The following ADARB2 variants were observed in gnomAD, a reference collection of about 807,000 sequenced individuals.
The protein encoded by ADARB2 is adenosine deaminase RNA specific B2 (inactive).
In ADARB2, 25 loss-of-function variants were observed where a neutral mutation model predicts 62.2. The observed-to-expected ratio is 0.40, with a 90% CI of 0.29 to 0.56. The LOEUF (loss-of-function observed/expected upper bound fraction) is 0.56, where lower values mean the gene tolerates loss of function less well. Ranked by LOEUF, ADARB2 falls within the 20% of genes least tolerant of loss-of-function variation. The probability of loss-of-function intolerance (pLI) is 0.43; values close to 1 mark genes in which losing one functional copy is unlikely to be tolerated. For missense variants in ADARB2, 1,071 were observed against 1,077.4 expected (o/e 0.99, Z 0.08); for synonymous variants, 572 against 500.8 (o/e 1.14, Z -1.90).
intron 1 of ADARB2, among the ~76,000 whole-genome samples, chr10:1,450,008 T>C (rs961113279): frequency 1.3e-5 from 2 of 152,190 alleles, no homozygotes; most frequent in Non-Finnish European, 2.9e-5. Flanking sequence ...AAGGAGGCCG[T>C]GGCCAGCATG....
At chr10:1,370,885 G>T (rs1467310563) in intron 2 of ADARB2, among the ~76,000 whole-genome samples, 1 of 152,220 alleles carries the variant, frequency 6.6e-6, no homozygotes, top group Non-Finnish European at 1.5e-5. Context: ...GCCTAAAGCA[G>T]TCGGCAGATT....
intron 6 of ADARB2, among the ~76,000 whole-genome samples, chr10:1,232,621 ATGTGTGTGG>A (rs1241318606): frequency 7.4e-6 from 1 of 134,500 alleles, no homozygotes; most frequent in Non-Finnish European, 1.6e-5. Context: ...GTGGTATATG[ATGTGTGTGG>A]TGTATGTGGT....
chr10:1,672,547 C>A (rs1474887705), intron 1 of ADARB2, among the ~76,000 whole-genome samples: 1 of 152,168 alleles, frequency 6.6e-6, no homozygotes, highest in Non-Finnish European at 1.5e-5. Flanking sequence ...CTGCAGGCCT[C>A]GCGCAGCTCC....
chr10:1,331,516 A>G (rs1831927462), intron 3 of ADARB2, among the ~76,000 whole-genome samples: 1 of 152,212 alleles, frequency 6.6e-6, no homozygotes. Flanking sequence ...GTGTGATTCT[A>G]TTTACCTGAA....
At chr10:1,185,170 G>C (rs978754275) in intron 8 of ADARB2, 131 bp from the exon 9 acceptor site, 22 of 1,216,512 alleles carry the variant, frequency 1.8e-5, no homozygotes, top group Admixed American at 8.2e-5. Flanking sequence ...CTCAGGACTG[G>C]CCAGTTCACG....
At position 1,572,397 on chromosome 10, in the gene ADARB2, C is replaced by T. The variant is rs574671724; in HGVS notation, c.100+164654G>A. Among the ~76,000 whole-genome samples the T allele has an allele frequency of 2.6e-5, 4 of 152,244 alleles. No individual in the cohort carries two copies. In the East Asian group the frequency reaches 7.7e-4, roughly 29 times the overall value. ...TCAGGCAGCTATGCTGTGACGCCAC[C>T]AGCATATAGAAGAGGGAAGATAAAA... is the stretch of plus-strand genomic sequence containing the variant. On this transcript the variant is annotated intron_variant, in intron 1 of 9. Transcript: ENST00000381312.
At chr10:1,351,193 A>G (rs887677730) in intron 3 of ADARB2, among the ~76,000 whole-genome samples, 5 of 152,006 alleles carry the variant, frequency 3.3e-5, no homozygotes, top group South Asian at 2.1e-4. Flanking sequence ...CTCCTTCCCA[A>G]ATCTTCTCGG....
At chr10:1,624,501 G>A (rs1833743259) in intron 1 of ADARB2, among the ~76,000 whole-genome samples, 1 of 152,148 alleles carries the variant, frequency 6.6e-6, no homozygotes. Context: ...TGCACTTCCA[G>A]ATGCTACTGT....
At chr10:1,605,348 G>A (rs2132017303) in intron 1 of ADARB2, among the ~76,000 whole-genome samples, 1 of 152,316 alleles carries the variant, frequency 6.6e-6, no homozygotes, top group African/African-American at 2.4e-5. Context: ...CTGTGACAAT[G>A]TCACCTTCCC....
intron 1 of ADARB2, among the ~76,000 whole-genome samples, chr10:1,393,973 G>A (rs1352484986): frequency 6.6e-6 from 1 of 152,246 alleles, no homozygotes; most frequent in East Asian, 1.9e-4. Flanking sequence ...GGTGGAGGCT[G>A]CAGAAGTTGC....
chr10:1,201,819 C>T (rs1480930335), intron 7 of ADARB2, among the ~76,000 whole-genome samples: 2 of 108,446 alleles, frequency 1.8e-5, no homozygotes, highest in Non-Finnish European at 4.2e-5. Flanking sequence ...GCCTGGATCT[C>T]GGATGGTGGG....
chr10:1,213,268 G>A (rs543638861), intron 7 of ADARB2, among the ~76,000 whole-genome samples: 9 of 151,400 alleles, frequency 5.9e-5, no homozygotes, highest in African/African-American at 9.8e-5. Flanking sequence ...CAAAGCTAGA[G>A]ACAGACAGGG....
chr10:1,590,133 G>T (rs2132006987), intron 1 of ADARB2, among the ~76,000 whole-genome samples: 1 of 152,310 alleles, frequency 6.6e-6, no homozygotes. Context: ...CCATGTCTTG[G>T]GTGCCCATGT....
At chr10:1,508,586 C>T (rs747039571) in intron 1 of ADARB2, among the ~76,000 whole-genome samples, 24 of 152,190 alleles carry the variant, frequency 1.6e-4, no homozygotes, top group Admixed American at 4.6e-4. Context: ...TCGAGACCAG[C>T]CCAGCCAACA....
At chr10:1,309,002 A>C (rs1564253379) in intron 3 of ADARB2, among the ~76,000 whole-genome samples, 1 of 152,366 alleles carries the variant, frequency 6.6e-6, no homozygotes, top group South Asian at 2.1e-4. Flanking sequence ...AAAAGTCCCC[A>C]AAAAGGCAAT....
chr10:1,724,461 C>A (rs1185600116), intron 1 of ADARB2, among the ~76,000 whole-genome samples: 1 of 152,158 alleles, frequency 6.6e-6, no homozygotes, highest in Admixed American at 6.5e-5. Context: ...ATGCACCAAG[C>A]CCCCAAAAGC....
intron 1 of ADARB2, among the ~76,000 whole-genome samples, chr10:1,654,800 C>T (rs1000653456): frequency 1.3e-5 from 2 of 152,220 alleles, no homozygotes; most frequent in African/African-American, 4.8e-5. Context: ...CTTCTGTGTG[C>T]TGCAGGTGAG....
intron 1 of ADARB2, among the ~76,000 whole-genome samples, chr10:1,727,657 T>C (rs1036119547): frequency 6.6e-6 from 1 of 152,202 alleles, no homozygotes. Context: ...ACAATAGAAA[T>C]CTATTTTTGT....
intron 1 of ADARB2, among the ~76,000 whole-genome samples, chr10:1,691,799 A>G (rs1418588506): frequency 5.3e-5 from 8 of 152,132 alleles, no homozygotes. Context: ...TTGCTCAGAT[A>G]TTAGCCCTGA....
Sources: gnomAD v4.1 joint callset for allele counts (sites outside exome capture counted in the v4.1 genomes callset) on GRCh38, gnomAD v4.1.1 for gene constraint, MANE v1.5 for transcripts, NCBI Gene and HGNC (gene_info 2026-07-23, HGNC 2026-07-21) for gene names.